The following LHFPL2 variants were observed in gnomAD, a reference collection of about 807,000 sequenced individuals.
LHFPL2 encodes the protein LHFPL tetraspan subfamily member 2 protein.
LHFPL2 carries 7 observed loss-of-function variants against 17.5 expected under a neutral mutation model. The observed-to-expected ratio is 0.40, with a 90% CI of 0.23 to 0.75. The LOEUF is 0.75. LHFPL2 is among the 30% of genes least tolerant of loss of function. The pLI, the probability that LHFPL2 is intolerant of heterozygous loss-of-function variation, is 0.37. For synonymous variants in LHFPL2, 134 were observed against 116.2 expected (o/e 1.15, Z -0.99); for missense variants, 241 against 294.8 (o/e 0.82, Z 1.34).
At chr5:78,629,181 G>A (rs78304674) in intron 2 of LHFPL2, among the ~76,000 whole-genome samples, 6,456 of 152,244 alleles carry the variant, frequency 0.042, 447 homozygotes, top group African/African-American at 0.15. Flanking sequence ...ATAGTGTTAA[G>A]AAGATGCTAA....
chr5:78,618,696 T>C (rs1205247157), intron 2 of LHFPL2, among the ~76,000 whole-genome samples: 1 of 152,188 alleles, frequency 6.6e-6, no homozygotes, highest in Non-Finnish European at 1.5e-5. Context: ...TCTCTATTGG[T>C]CAGGGCATTG....
chr5:78,607,187 T>A (rs1244775013), intron 2 of LHFPL2, among the ~76,000 whole-genome samples: 1 of 151,900 alleles, frequency 6.6e-6, no homozygotes, highest in Non-Finnish European at 1.5e-5. Context: ...CTCAGCTCAC[T>A]GCAACCTCTC....
rs78287841 is a variant in LHFPL2 at position 78,537,854 on chromosome 5, T to C, written c.-186+26959A>G. On this transcript the variant is annotated intron_variant, in intron 3 of 4. Coordinates refer to ENST00000380345, the MANE Select transcript of LHFPL2 (RefSeq NM_005779.3). ...TGGAAGAGTGTGCATTAAAAGGATA[T>C]AAAATGCGAAAGCTTCTCATCTAGC... is the stretch of plus-strand genomic sequence containing the variant. Among the ~76,000 whole-genome samples, 1,181 of 152,232 alleles carry C rather than the reference T, an allele frequency of 7.8e-3. 8 individuals are homozygous for C. Among genetic ancestry groups the C allele is most frequent in the African/African-American group, 0.027 (1,127 of 41,522 alleles).
intron 4 of LHFPL2, among the ~76,000 whole-genome samples, chr5:78,508,520 GCCT>G (rs1238231425): frequency 6.6e-6 from 1 of 152,140 alleles, no homozygotes; most frequent in African/African-American, 2.4e-5. Context: ...CTACACAGGG[GCCT>G]CCTAAGATCT....
intron 2 of LHFPL2, among the ~76,000 whole-genome samples, chr5:78,605,227 G>T (rs546339745): frequency 3.3e-5 from 5 of 152,304 alleles, no homozygotes; most frequent in African/African-American, 1.2e-4. Flanking sequence ...TTAATGAAAA[G>T]TGTTACAATT....
chr5:78,607,474 T>C (rs1213403027), intron 2 of LHFPL2, among the ~76,000 whole-genome samples: 1 of 152,198 alleles, frequency 6.6e-6, no homozygotes, highest in Non-Finnish European at 1.5e-5. Flanking sequence ...TAAAAGACAT[T>C]TAAAAATAAG....
intron 2 of LHFPL2, among the ~76,000 whole-genome samples, chr5:78,603,714 C>G (rs1744108697): frequency 6.6e-6 from 1 of 152,068 alleles, no homozygotes; most frequent in African/African-American, 2.4e-5. Flanking sequence ...CCCTATTCTA[C>G]TAAAAAATTT....
chr5:78,578,370 T>C (rs549593825), intron 2 of LHFPL2, among the ~76,000 whole-genome samples: 58 of 152,266 alleles, frequency 3.8e-4, no homozygotes, highest in African/African-American at 1.4e-3. Context: ...AACCACTTTT[T>C]GCCAGTTAAA....
At chr5:78,500,036 AAG>A (rs1308129506) in intron 4 of LHFPL2, among the ~76,000 whole-genome samples, 3 of 67,818 alleles carry the variant, frequency 4.4e-5, no homozygotes, top group Admixed American at 1.1e-4. Flanking sequence ...AAAAAAAAAA[AAG>A]GCAGTATAAT....
At chr5:78,576,879 A>G (rs983982661) in intron 2 of LHFPL2, among the ~76,000 whole-genome samples, 3 of 152,240 alleles carry the variant, frequency 2.0e-5, no homozygotes, top group Non-Finnish European at 2.9e-5. Flanking sequence ...CATTGAACCA[A>G]GCAATCTTTT....
chr5:78,645,543 TACACACACACACACAC>T (rs56911011), intron 1 of LHFPL2, among the ~76,000 whole-genome samples: 343 of 137,328 alleles, frequency 2.5e-3, no homozygotes, highest in African/African-American at 4.3e-3. Context: ...GACAGATGCA[TACACACACACACACAC>T]ACACACACAC....
intron 2 of LHFPL2, among the ~76,000 whole-genome samples, chr5:78,604,931 C>A (rs1001817579): frequency 5.9e-5 from 9 of 152,226 alleles, no homozygotes; most frequent in African/African-American, 2.2e-4. Flanking sequence ...GGTGAATTTT[C>A]TAACAGAATG....
At chr5:78,493,500 A>C (rs548056970) in intron 4 of LHFPL2, among the ~76,000 whole-genome samples, 76 of 152,340 alleles carry the variant, frequency 5.0e-4, no homozygotes, top group Non-Finnish European at 9.8e-4. Flanking sequence ...GAGGGCAGGG[A>C]TTTTTGTGTA....
At position 78,497,865 on chromosome 5, in the gene LHFPL2, T is replaced by G. The variant is rs78921601; in HGVS notation, c.431-8712A>C. Among the ~76,000 whole-genome samples the G allele has an allele frequency of 2.0e-5, 3 of 152,304 alleles. No homozygotes were observed. In the East Asian group the frequency reaches 5.8e-4, roughly 29 times the overall value. ...AATCACACAGAAAAAAGTAGTCAGT[T>G]GATTAAATGTAATACACTTTCAGGT... On this transcript the variant is annotated intron_variant, in intron 4 of 4. Transcript: ENST00000380345.
chr5:78,524,177 G>C (rs370929672), intron 3 of LHFPL2, among the ~76,000 whole-genome samples: 1 of 152,122 alleles, frequency 6.6e-6, no homozygotes, highest in Non-Finnish European at 1.5e-5. Context: ...AGGAAAACCC[G>C]GGCCTTGCTC....
At chr5:78,558,296 A>G (rs1756635112) in intron 3 of LHFPL2, among the ~76,000 whole-genome samples, 1 of 152,270 alleles carries the variant, frequency 6.6e-6, no homozygotes, top group South Asian at 2.1e-4. Context: ...ATCCCAGTGT[A>G]CGCTCATTCA....
chr5:78,618,294 G>T (rs1328391580), intron 2 of LHFPL2, among the ~76,000 whole-genome samples: 1 of 152,174 alleles, frequency 6.6e-6, no homozygotes, highest in Non-Finnish European at 1.5e-5. Context: ...AGATGAAGAG[G>T]TTGATTTTAT....
intron 1 of LHFPL2, among the ~76,000 whole-genome samples, chr5:78,632,643 T>G (rs1478796587): frequency 6.6e-6 from 1 of 152,218 alleles, no homozygotes; most frequent in Non-Finnish European, 1.5e-5. Context: ...TAGGAAGGTC[T>G]TCTATATGCC....
At chr5:78,587,769 A>T (rs1231746704) in intron 2 of LHFPL2, among the ~76,000 whole-genome samples, 1 of 152,232 alleles carries the variant, frequency 6.6e-6, no homozygotes. Flanking sequence ...ATTTACAGAA[A>T]GCGCCGATTA....
Sources: gnomAD v4.1 joint callset for allele counts (sites outside exome capture counted in the v4.1 genomes callset) on GRCh38, gnomAD v4.1.1 for gene constraint, MANE v1.5 for transcripts, NCBI Gene and HGNC (gene_info 2026-07-23, HGNC 2026-07-21) for gene names.